Variants in ROBO2 observed in about 807,000 individuals in gnomAD.
ROBO2 encodes the protein roundabout guidance receptor 2, also known as roundabout homolog 2.
Under a neutral mutation model 160.8 loss-of-function variants are expected in ROBO2, and 53 were observed. The observed-to-expected ratio is 0.33, with a 90% CI of 0.26 to 0.41. The LOEUF (loss-of-function observed/expected upper bound fraction) is 0.41, where lower values mean the gene tolerates loss of function less well. ROBO2 is among the 10% of genes least tolerant of loss of function. ROBO2 has a pLI of 1.00. For synonymous variants in ROBO2, 664 were observed against 611.7 expected (o/e 1.09, Z -1.26); for missense variants, 1,577 against 1,722.4 (o/e 0.92, Z 1.49).
At chr3:75,945,679 A>G (rs1210355248) in intron 2 of ROBO2, among the ~76,000 whole-genome samples, 1 of 152,086 alleles carries the variant, frequency 6.6e-6, no homozygotes, top group African/African-American at 2.4e-5. Context: ...TATATTTTTC[A>G]TTACCAAATA....
chr3:76,958,596 C>A (rs1025370559), intron 2 of ROBO2, among the ~76,000 whole-genome samples: 6 of 152,182 alleles, frequency 3.9e-5, no homozygotes, highest in African/African-American at 1.4e-4. Flanking sequence ...TTACTACAAC[C>A]TTCTGAAGTT....
chr3:76,355,394 A>G (rs921191187), intron 2 of ROBO2, among the ~76,000 whole-genome samples: 1 of 151,834 alleles, frequency 6.6e-6, no homozygotes, highest in South Asian at 2.1e-4. Context: ...AATGCTGTGA[A>G]AAAGGTAACA....
chr3:76,730,230 C>T (rs1031618574), intron 2 of ROBO2, among the ~76,000 whole-genome samples: 23 of 51,506 alleles, frequency 4.5e-4, no homozygotes, highest in Admixed American at 1.7e-3. Flanking sequence ...CTACCCACCT[C>T]TCCTCACCTC....
chr3:76,312,252 G>A (rs1003533576), intron 2 of ROBO2, among the ~76,000 whole-genome samples: 8 of 152,072 alleles, frequency 5.3e-5, no homozygotes, highest in African/African-American at 1.2e-4. Context: ...TTTACCTAAC[G>A]TTTTTATCTT....
At chr3:77,164,988 G>A (rs758977202) in intron 2 of ROBO2, among the ~76,000 whole-genome samples, 10 of 148,848 alleles carry the variant, frequency 6.7e-5, no homozygotes, top group African/African-American at 2.0e-4. Context: ...GAGGTGAGGG[G>A]CGCCTCTGCC....
At chr3:76,489,739 C>A (rs2079710878) in intron 2 of ROBO2, among the ~76,000 whole-genome samples, 1 of 151,140 alleles carries the variant, frequency 6.6e-6, no homozygotes, top group African/African-American at 2.4e-5. Context: ...TGAATTAAAC[C>A]AATTATAAAA....
chr3:77,491,703 G>A (rs79910000), intron 4 of ROBO2, among the ~76,000 whole-genome samples: 1 of 152,220 alleles, frequency 6.6e-6, no homozygotes, highest in East Asian at 1.9e-4. Flanking sequence ...TTTTTCTTTA[G>A]TTTTTATGGA....
chr3:76,230,657 T>C (rs1704567189), intron 2 of ROBO2, among the ~76,000 whole-genome samples: 1 of 151,186 alleles, frequency 6.6e-6, no homozygotes, highest in Non-Finnish European at 1.5e-5. Flanking sequence ...TATTTGTTAT[T>C]CAATCGGTCA....
chr3:76,015,392 G>GA (rs1559834938), intron 2 of ROBO2, among the ~76,000 whole-genome samples: 10 of 151,982 alleles, frequency 6.6e-5, no homozygotes, highest in Admixed American at 5.9e-4. Flanking sequence ...GCTGCAAATT[G>GA]AAAAAAACAG....
intron 1 of ROBO2, among the ~76,000 whole-genome samples, chr3:77,094,548 C>T (rs1442158733): frequency 6.6e-6 from 1 of 152,040 alleles, no homozygotes; most frequent in Non-Finnish European, 1.5e-5. Flanking sequence ...TGATATATAT[C>T]TAGGAGTGAA....
chr3:76,865,470 G>A (rs893122313), intron 2 of ROBO2, among the ~76,000 whole-genome samples: 1 of 152,022 alleles, frequency 6.6e-6, no homozygotes, highest in Non-Finnish European at 1.5e-5. Flanking sequence ...AATTGTCCAC[G>A]GACCACACTT....
intron 2 of ROBO2, among the ~76,000 whole-genome samples, chr3:76,942,469 T>A (rs1337942715): frequency 6.6e-6 from 1 of 152,226 alleles, no homozygotes; most frequent in Non-Finnish European, 1.5e-5. Context: ...TTGCTTATAA[T>A]TTTTTGCTTG....
rs148372559 is a variant in ROBO2 at position 77,191,342 on chromosome 3, A to G, written c.388+93002A>G. On this transcript the variant is annotated intron_variant, in intron 2 of 25. Transcript: ENST00000461745. ...CCACTGGTTAGTCCAGTAGAGAGCC[A>G]TAAATTGAGCAGAGAGCCTTAATTG... 3.8e-3 allele frequency among the ~76,000 whole-genome samples: 576 copies of G among 152,242 alleles called. 1 individual carries two copies. Among genetic ancestry groups the G allele is most frequent in the Non-Finnish European group, 6.0e-3 (405 of 67,978 alleles).
At chr3:76,933,227 G>A (rs1052384690) in intron 2 of ROBO2, among the ~76,000 whole-genome samples, 40 of 152,048 alleles carry the variant, frequency 2.6e-4, no homozygotes, top group Non-Finnish European at 1.3e-4. Flanking sequence ...AATCTAAATG[G>A]AGAATATTTA....
intron 2 of ROBO2, among the ~76,000 whole-genome samples, chr3:76,045,056 CAGA>C (rs1479895821): frequency 6.6e-6 from 1 of 151,904 alleles, no homozygotes; most frequent in Non-Finnish European, 1.5e-5. Context: ...TTAAATGTTC[CAGA>C]ATTTTGATTT....
intron 2 of ROBO2, among the ~76,000 whole-genome samples, chr3:76,210,109 G>A (rs1182659408): frequency 6.6e-6 from 1 of 152,024 alleles, no homozygotes; most frequent in Non-Finnish European, 1.5e-5. Flanking sequence ...GCATGTTACA[G>A]GAATGACAAA....
intron 24 of ROBO2, among the ~76,000 whole-genome samples, chr3:77,640,772 A>G (rs150069148): frequency 1.4e-4 from 21 of 152,344 alleles, no homozygotes; most frequent in African/African-American, 4.3e-4. Flanking sequence ...TTATTTTTCA[A>G]AAAACCATTC....
At chr3:75,969,375 A>G (rs1173165906) in intron 2 of ROBO2, among the ~76,000 whole-genome samples, 1 of 151,300 alleles carries the variant, frequency 6.6e-6, no homozygotes, top group Non-Finnish European at 1.5e-5. Flanking sequence ...TGCAATAAAC[A>G]CGGGAATACA....
intron 2 of ROBO2, among the ~76,000 whole-genome samples, chr3:76,039,769 G>GAAGAGAAGA (rs1351618175): frequency 6.6e-6 from 1 of 151,982 alleles, no homozygotes; most frequent in East Asian, 1.9e-4. Flanking sequence ...TATGACTGAT[G>GAAGAGAAGA]AAGAGAAGAA....
Sources: gnomAD v4.1 joint callset for allele counts (sites outside exome capture counted in the v4.1 genomes callset) on GRCh38, gnomAD v4.1.1 for gene constraint, MANE v1.5 for transcripts, NCBI Gene and HGNC (gene_info 2026-07-23, HGNC 2026-07-21) for gene names.